SNCAIP: variants seen among roughly 807,000 people sequenced by gnomAD.
SNCAIP encodes synphilin-1.
SNCAIP carries 43 observed loss-of-function variants against 86.7 expected under a neutral mutation model. The observed-to-expected ratio is 0.50, with a 90% CI of 0.39 to 0.64. The LOEUF (loss-of-function observed/expected upper bound fraction) is 0.64. Among genes scored for constraint, SNCAIP ranks in the 30% least tolerant of loss-of-function variants. SNCAIP has a pLI of 0.00. For synonymous variants in SNCAIP, 417 were observed against 427.2 expected (o/e 0.98, Z 0.29); for missense variants, 981 against 1,103.1 (o/e 0.89, Z 1.57).
intron 2 of SNCAIP, among the ~76,000 whole-genome samples, chr5:122,393,078 C>T (rs1398668507): frequency 1.3e-5 from 2 of 152,084 alleles, no homozygotes; most frequent in Admixed American, 1.3e-4. Context: ...CAGGATTATG[C>T]AATAGTTGAG....
chr5:122,400,647 C>T (rs1168024464), intron 2 of SNCAIP, among the ~76,000 whole-genome samples: 10 of 152,338 alleles, frequency 6.6e-5, no homozygotes, highest in Non-Finnish European at 1.5e-5. Flanking sequence ...AGAAGCAGAA[C>T]ACAGCTGGCC....
chr5:122,379,685 A>G (rs1766230698), intron 1 of SNCAIP, among the ~76,000 whole-genome samples: 1 of 152,048 alleles, frequency 6.6e-6, no homozygotes, highest in East Asian at 1.9e-4. Flanking sequence ...TTTGTCATAG[A>G]TAGCTCTCAT....
Position 122,443,666 on chromosome 5 carries a change from G to A in SNCAIP, c.1423-897G>A, listed in dbSNP as rs773318109. The stretch of plus-strand genomic sequence containing the variant: ...ATCCCCCTATCTCTTCTGGGCTGCA[G>A]TGTCAAGGACAAGAAGGAGGTATGA... On this transcript the variant is annotated intron_variant, in intron 7 of 10. Transcript: ENST00000261368. 8.5e-5 allele frequency: 39 copies of A among 456,688 alleles called. 1 individual carries two copies. In the Middle Eastern group the frequency reaches 9.0e-3, roughly 106 times the overall value. The allele number at this position is 456,688 out of a possible 1,614,324, so 28.3% of individuals were successfully genotyped here.
intron 1 of SNCAIP, among the ~76,000 whole-genome samples, chr5:122,330,117 CT>C (rs1212303157): frequency 0.034 from 3,271 of 96,824 alleles, 27 homozygotes; most frequent in Admixed American, 0.054. Flanking sequence ...AACTTCATTT[CT>C]TTTTTTTTTT....
At chr5:122,394,319 A>T (rs1770118511) in intron 2 of SNCAIP, among the ~76,000 whole-genome samples, 1 of 152,172 alleles carries the variant, frequency 6.6e-6, no homozygotes, top group Admixed American at 6.5e-5. Flanking sequence ...TTCTTGTTTT[A>T]ATTAAAACGT....
In SNCAIP at chr5:122,440,077, T is replaced by G. The variant is rs977377052; in HGVS notation, c.1297-552T>G. Among the ~76,000 whole-genome samples the G allele has an allele frequency of 3.3e-5, 5 of 152,350 alleles. No individual in the cohort carries two copies. In the Middle Eastern group the frequency reaches 0.01, roughly 311 times the overall value. Reference sequence around the variant, plus strand: ...CTGGTTTTATTTCAATGAACTTATCTTACACTTGGCAACTTAACGTATTTA... The same window carrying G: ...CTGGTTTTATTTCAATGAACTTATCGTACACTTGGCAACTTAACGTATTTA... On this transcript the variant is annotated intron_variant, in intron 6 of 10. Coordinates refer to ENST00000261368, the MANE Select transcript of SNCAIP (RefSeq NM_005460.4).
chr5:122,438,789 A>G (rs1321814951), intron 6 of SNCAIP, among the ~76,000 whole-genome samples: 1 of 152,192 alleles, frequency 6.6e-6, no homozygotes, highest in African/African-American at 2.4e-5. Context: ...ATGATTCTTT[A>G]AAATCTCTCC....
chr5:122,358,525 A>G (rs945804106), intron 1 of SNCAIP, among the ~76,000 whole-genome samples: 3 of 152,002 alleles, frequency 2.0e-5, no homozygotes, highest in African/African-American at 7.2e-5. Context: ...TCCGGGAGAA[A>G]GGCACATTTT....
intron 1 of SNCAIP, among the ~76,000 whole-genome samples, chr5:122,347,518 A>C (rs1243766120): frequency 6.6e-6 from 1 of 151,922 alleles, no homozygotes; most frequent in East Asian, 1.9e-4. Flanking sequence ...ACAGCATGCT[A>C]AAATCATAAG....
chr5:122,353,474 A>G (rs1760316320), intron 1 of SNCAIP, among the ~76,000 whole-genome samples: 1 of 151,646 alleles, frequency 6.6e-6, no homozygotes, highest in East Asian at 1.9e-4. Flanking sequence ...CTGTAGTTAA[A>G]GCAGGTGATA....
chr5:122,391,299 T>C (rs1769292845), intron 2 of SNCAIP, 108 bp downstream of exon 2: 1 of 850,546 alleles, frequency 1.2e-6, no homozygotes, highest in African/African-American at 1.7e-5. Context: ...TGACTACATT[T>C]AGAAATTCAC....
At chr5:122,459,451 G>A (rs950167260) in intron 10 of SNCAIP, among the ~76,000 whole-genome samples, 62 of 152,146 alleles carry the variant, frequency 4.1e-4, no homozygotes, top group Non-Finnish European at 1.2e-4. Context: ...AAATAGAGGA[G>A]TAGCAAATTA....
chr5:122,400,913 A>G (rs558332568), intron 2 of SNCAIP: 2 of 1,398,132 alleles, frequency 1.4e-6, no homozygotes, highest in African/African-American at 2.9e-5. Flanking sequence ...TAGAAAAAGA[A>G]TAAATTATAG....
At position 122,455,581 on chromosome 5, in the gene SNCAIP, C is replaced by T. The variant is rs139612947; in HGVS notation, c.2754+3980C>T. Among the ~76,000 whole-genome samples the T allele has an allele frequency of 1.7e-3, 260 of 152,230 alleles. 1 individual carries two copies. Among genetic ancestry groups the T allele is most frequent in the African/African-American group, 5.3e-3 (221 of 41,518 alleles). On this transcript the variant is annotated intron_variant, in intron 10 of 10. Transcript: ENST00000261368. ...CCAAATGTTATTGCCTCTACATGGCCCTATCAGCATATCCCTGGGGAAAAG... is the reference window on the plus strand; with the variant it reads ...CCAAATGTTATTGCCTCTACATGGCTCTATCAGCATATCCCTGGGGAAAAG...
chr5:122,392,545 G>A lies in SNCAIP; in HGVS notation c.57+1354G>A, dbSNP rs192039263. 1.6e-3 allele frequency among the ~76,000 whole-genome samples: 248 copies of A among 152,244 alleles called. 5 individuals carry two copies. Among genetic ancestry groups the A allele is most frequent in the Admixed American group, 0.015 (228 of 15,286 alleles). The stretch of plus-strand genomic sequence containing the variant: ...AGCAAGGAATGTGAATGGTAGCATG[G>A]GTGTATGTAGGTAGGATGGAAGGTG... On this transcript the variant is annotated intron_variant, in intron 2 of 10. Transcript: ENST00000261368.
chr5:122,389,082 A>G (rs1401800328), intron 1 of SNCAIP: 1 of 152,220 alleles, frequency 6.6e-6, no homozygotes, highest in Admixed American at 6.5e-5. Flanking sequence ...TCCGCTGGTT[A>G]TATTCTATTG....
At chr5:122,458,111 G>T (rs1312730885) in intron 10 of SNCAIP, among the ~76,000 whole-genome samples, 1 of 152,180 alleles carries the variant, frequency 6.6e-6, no homozygotes, top group Admixed American at 6.5e-5. Context: ...TAGTGTCAAA[G>T]TATGATATGT....
At chr5:122,364,301 G>A (rs1291188323) in intron 1 of SNCAIP, among the ~76,000 whole-genome samples, 1 of 152,186 alleles carries the variant, frequency 6.6e-6, no homozygotes, top group Non-Finnish European at 1.5e-5. Flanking sequence ...CGCTGTCTGT[G>A]GAGTAGCCAT....
chr5:122,357,874 A>G, intron 1 of SNCAIP, among the ~76,000 whole-genome samples: 1 of 152,138 alleles, frequency 6.6e-6, no homozygotes. Flanking sequence ...GATACAGAAC[A>G]TTTCCATAAG....
Sources: allele counts gnomAD v4.1 joint callset (sites outside exome capture counted in the v4.1 genomes callset), GRCh38; gene constraint gnomAD v4.1.1; transcripts MANE v1.5; gene names NCBI Gene and HGNC (gene_info 2026-07-23, HGNC 2026-07-21).